Variants in ITGA1 observed in about 807,000 individuals in gnomAD.
The protein encoded by ITGA1 is integrin alpha-1.
In ITGA1, 85 loss-of-function variants were observed where a neutral mutation model predicts 145.9. The ratio of observed to expected loss-of-function variants is 0.58; its 90% confidence interval spans 0.49 to 0.70. ITGA1 has a LOEUF of 0.70. Ranked by LOEUF, ITGA1 falls within the 30% of genes least tolerant of loss-of-function variation. The pLI is 0.00. For missense variants in ITGA1, 1,351 were observed against 1,418.7 expected (o/e 0.95, Z 0.77); for synonymous variants, 520 against 495.3 (o/e 1.05, Z -0.66).
intron 6 of ITGA1, among the ~76,000 whole-genome samples, chr5:52,876,521 G>T (rs1046895032): frequency 6.6e-6 from 1 of 152,020 alleles, no homozygotes. Context: ...TTTTTCCACT[G>T]CTCCCTCTTC....
chr5:52,893,513 G>A (rs922789171), intron 8 of ITGA1, among the ~76,000 whole-genome samples, 162 bp from the exon 9 acceptor site: 2 of 152,102 alleles, frequency 1.3e-5, no homozygotes, highest in African/African-American at 4.8e-5. Flanking sequence ...ATATTAGGGA[G>A]TCTACAAATT....
At chr5:52,905,738 A>G (rs753789703) in intron 11 of ITGA1, 25 bp from the exon 12 acceptor site, 1 of 1,597,642 alleles carries the variant, frequency 6.3e-7, no homozygotes, top group Non-Finnish European at 8.6e-7. Flanking sequence ...TCCAGGTGGT[A>G]TACCTGGAAT....
rs1437626722 is a variant in ITGA1 at position 52,911,589 on chromosome 5, ATC to A, written c.1857+1172_1857+1173del. Among the ~76,000 whole-genome samples the A allele has an allele frequency of 3.8e-4, 27 of 70,858 alleles. 1 individual carries two copies. Among genetic ancestry groups the A allele is most frequent in the Non-Finnish European group, 7.9e-4 (26 of 32,934 alleles). 46.5% of individuals were successfully genotyped at this position (70,858 alleles called of 152,430 possible). A position where few individuals can be genotyped will look rare whatever the true frequency, so the allele number is the denominator to read the frequency against. ...ACTATATATACTATATATATAGTGT[ATC>A]TACTATATATACTATATATATAGTG... On this transcript the variant is annotated intron_variant, in intron 14 of 28. Coordinates refer to ENST00000282588, the MANE Select transcript of ITGA1 (RefSeq NM_181501.2).
chr5:52,811,330 G>A (rs1257029732), intron 1 of ITGA1, among the ~76,000 whole-genome samples: 1 of 152,084 alleles, frequency 6.6e-6, no homozygotes, highest in Non-Finnish European at 1.5e-5. Flanking sequence ...GCAAAGAAGG[G>A]TGGCTCTTGA....
intron 11 of ITGA1, among the ~76,000 whole-genome samples, chr5:52,900,178 T>C (rs914757968): frequency 6.6e-6 from 1 of 152,300 alleles, no homozygotes; most frequent in East Asian, 1.9e-4. Flanking sequence ...AGATTAGATA[T>C]CTTCTAAAAG....
At chr5:52,845,412 C>T (rs1420598192) in intron 1 of ITGA1, among the ~76,000 whole-genome samples, 1 of 152,100 alleles carries the variant, frequency 6.6e-6, no homozygotes, top group African/African-American at 2.4e-5. Context: ...CAGGGCTGCC[C>T]TGGGGATCTC....
intron 15 of ITGA1, among the ~76,000 whole-genome samples, chr5:52,916,527 A>G (rs1300099823): frequency 6.6e-6 from 1 of 152,198 alleles, no homozygotes; most frequent in South Asian, 2.1e-4. Flanking sequence ...TGACTTTGCT[A>G]TAATTTAAGA....
rs972063983 is a variant in ITGA1 at position 52,956,065 on chromosome 5, A to G, written c.*3614A>G. On this transcript the variant is annotated 3_prime_UTR_variant, in exon 29 of 29. Transcript: ENST00000282588. The stretch of plus-strand genomic sequence containing the variant: ...AAAATGGAAATATTTGCACCAAAAG[A>G]AAAAAGTGCCATTGTTGTGATCAAT... The G allele has an allele frequency of 5.3e-5, 8 of 151,178 alleles. No homozygotes were observed. 9.4% of individuals were successfully genotyped at this position (151,178 alleles called of 1,614,324 possible).
At position 52,883,540 on chromosome 5, in the gene ITGA1, T is replaced by C. The variant is rs561094846; in HGVS notation, c.773+1519T>C. Reference sequence around the variant, plus strand: ...TGTTTAAGCACATTTTAATTGTTTTTTATTCCTTTCAGGCAGAAGTTGCAA... The same window carrying C: ...TGTTTAAGCACATTTTAATTGTTTTCTATTCCTTTCAGGCAGAAGTTGCAA... On this transcript the variant is annotated intron_variant, in intron 7 of 28. Coordinates refer to ENST00000282588, the MANE Select transcript of ITGA1 (RefSeq NM_181501.2). 3.9e-5 allele frequency among the ~76,000 whole-genome samples: 6 copies of C among 152,370 alleles called. 1 individual carries two copies. The highest frequency in any genetic ancestry group is 1.4e-4 in the African/African-American group (6 of 41,590).
chr5:52,867,848 GT>G (rs989575425), intron 6 of ITGA1, among the ~76,000 whole-genome samples: 4 of 151,528 alleles, frequency 2.6e-5, no homozygotes, highest in African/African-American at 9.7e-5. Context: ...GTTTGCTGTT[GT>G]TTTTTTTCTT....
intron 1 of ITGA1, chr5:52,801,300 G>A: frequency 8.7e-7 from 1 of 1,144,406 alleles, no homozygotes. Flanking sequence ...AGTAAACTTC[G>A]CTGAAACATA....
chr5:52,915,707 G>A, intron 15 of ITGA1, 113 bp downstream of exon 15: 1 of 1,272,924 alleles, frequency 7.9e-7, no homozygotes. Flanking sequence ...GTTCCACTAT[G>A]CAAATACAAG....
chr5:52,880,476 G>T (rs1286635352), intron 6 of ITGA1, among the ~76,000 whole-genome samples: 1 of 152,090 alleles, frequency 6.6e-6, no homozygotes, highest in African/African-American at 2.4e-5. Flanking sequence ...ACCAGAATAT[G>T]CTTTTAGTTT....
At position 52,856,967 on chromosome 5, in the gene ITGA1, G is replaced by T. The variant is rs139598625; in HGVS notation, c.183-4480G>T. 1.7e-3 allele frequency among the ~76,000 whole-genome samples: 266 copies of T among 152,214 alleles called. 3 individuals carry two copies. The highest frequency in any genetic ancestry group is 6.2e-3 in the African/African-American group (258 of 41,530). On this transcript the variant is annotated intron_variant, in intron 2 of 28. Coordinates refer to ENST00000282588, the MANE Select transcript of ITGA1 (RefSeq NM_181501.2). ...AGCTAAAGCACCAATTCTGTTCCACGTGGCCTCTTATCCTCTGTTAAGCAA... is the reference window on the plus strand; with the variant it reads ...AGCTAAAGCACCAATTCTGTTCCACTTGGCCTCTTATCCTCTGTTAAGCAA...
intron 14 of ITGA1, among the ~76,000 whole-genome samples, chr5:52,913,213 T>C (rs1393875293): frequency 6.6e-6 from 1 of 152,156 alleles, no homozygotes; most frequent in African/African-American, 2.4e-5. Flanking sequence ...CCGTTCTAAA[T>C]AGAGGGCACT....
chr5:52,880,132 T>G (rs971280316), intron 6 of ITGA1, among the ~76,000 whole-genome samples: 1 of 152,164 alleles, frequency 6.6e-6, no homozygotes, highest in African/African-American at 2.4e-5. Flanking sequence ...TTTAGATAGA[T>G]GCCTTTTTAC....
At chr5:52,834,067 TA>T (rs1233095666) in intron 1 of ITGA1, among the ~76,000 whole-genome samples, 3 of 152,282 alleles carry the variant, frequency 2.0e-5, no homozygotes, top group East Asian at 3.9e-4. Flanking sequence ...CAATAACACA[TA>T]ACATAAGACA....
At chr5:52,947,320 A>G in intron 27 of ITGA1, 25 bp from the exon 28 acceptor site, 9 of 1,410,822 alleles carry the variant, frequency 6.4e-6, no homozygotes, top group Non-Finnish European at 9.0e-6. Context: ...TTATTATGTT[A>G]ACAATCTTGT....
At chr5:52,812,253 A>C (rs919370306) in intron 1 of ITGA1, among the ~76,000 whole-genome samples, 4 of 152,208 alleles carry the variant, frequency 2.6e-5, no homozygotes, top group African/African-American at 9.7e-5. Context: ...AATTAGTACC[A>C]AAACCGATCA....
Sources: allele counts gnomAD v4.1 joint callset (sites outside exome capture counted in the v4.1 genomes callset), GRCh38; gene constraint gnomAD v4.1.1; transcripts MANE v1.5; gene names NCBI Gene and HGNC (gene_info 2026-07-23, HGNC 2026-07-21).